Variants in POLD1 observed in about 807,000 individuals in gnomAD.
POLD1 encodes the protein DNA polymerase delta catalytic subunit.
A neutral mutation model predicts 129.7 loss-of-function variants in POLD1; 79 were observed. The observed-to-expected ratio is 0.61, with a 90% confidence interval of 0.51 to 0.73. POLD1 has a LOEUF of 0.73. POLD1 is among the 30% of genes least tolerant of loss of function. POLD1 has a pLI of 0.00. For missense variants in POLD1, 1,338 were observed against 1,595.8 expected (o/e 0.84, Z 2.75); for synonymous variants, 714 against 683.3 (o/e 1.04, Z -0.70).
In POLD1 at chr19:50,416,483, T is replaced by C; in HGVS notation, c.2908T>C (p.Phe970Leu). The C allele has an allele frequency of 6.4e-7, 1 of 1,551,828 alleles. No homozygotes were observed. Among genetic ancestry groups the C allele is most frequent in the Non-Finnish European group, 8.7e-7 (1 of 1,148,326 alleles). Reference protein sequence around the residue: ...QQLAKPLLRIFEPILGEGRAE... With the variant: ...QQLAKPLLRILEPILGEGRAE... The stretch of plus-strand genomic sequence containing the variant: ...GCTGGCCAAGCCCCTCCTGCGCATC[T>C]TCGAGCCCATCCTGGGCGAGGGCCG... Residue 970 changes from phenylalanine (F) to leucine (L), a missense_variant, in exon 23 of 27, where the codon TTC (phenylalanine) becomes CTC (leucine). By Grantham distance (22) the Phe-to-Leu change is conservative (BLOSUM62 0). This residue lies in a region of POLD1 where 286 missense variants were observed against 277.5 expected (regional missense o/e 1.03). Transcript: ENST00000440232.
At chr19:50,412,713 T>TTGGTGG (rs149765706) in intron 17 of POLD1, among the ~76,000 whole-genome samples, 2 of 151,142 alleles carry the variant, frequency 1.3e-5, no homozygotes, top group Non-Finnish European at 2.9e-5. Context: ...AGCCTCAGGT[T>TTGGTGG]TGGTGGTGGT....
intron 7 of POLD1, 35 bp from the exon 8 acceptor site, chr19:50,402,577 C>T (rs1392489715): frequency 2.5e-6 from 4 of 1,572,970 alleles, no homozygotes; most frequent in Admixed American, 1.9e-5. Flanking sequence ...GGAGCTGGTA[C>T]CCTGCTGCCA....
At chr19:50,399,892 G>A (rs917803460) in intron 3 of POLD1, among the ~76,000 whole-genome samples, 6 of 149,140 alleles carry the variant, frequency 4.0e-5, no homozygotes, top group African/African-American at 1.2e-4. Flanking sequence ...TCGGCTCACT[G>A]CAACCTCTGC....
chr19:50,411,451 G>T (rs930102879), intron 17 of POLD1, among the ~76,000 whole-genome samples: 1 of 152,126 alleles, frequency 6.6e-6, no homozygotes, highest in East Asian at 1.9e-4. Flanking sequence ...TTCTCTCTCA[G>T]CCGCTTCCCT....
At chr19:50,392,921 C>G (rs2038221683) in intron 1 of POLD1, among the ~76,000 whole-genome samples, 1 of 152,242 alleles carries the variant, frequency 6.6e-6, no homozygotes, top group African/African-American at 2.4e-5. Flanking sequence ...CCTATCAGTA[C>G]ACAAAGAGCT....
chr19:50,389,040 C>T (rs2038063498), intron 1 of POLD1, among the ~76,000 whole-genome samples: 1 of 151,706 alleles, frequency 6.6e-6, no homozygotes, highest in African/African-American at 2.4e-5. Context: ...ACCATCTTTG[C>T]CAGGCTGCTC....
At chr19:50,393,769 A>G (rs530436223) in intron 1 of POLD1, among the ~76,000 whole-genome samples, 16 of 152,204 alleles carry the variant, frequency 1.1e-4, no homozygotes, top group African/African-American at 3.6e-4. Flanking sequence ...CATCACCCCT[A>G]CAGAAAACCC....
At chr19:50,408,321 C>T (rs1376240654) in intron 14 of POLD1, among the ~76,000 whole-genome samples, 1 of 151,822 alleles carries the variant, frequency 6.6e-6, no homozygotes, top group East Asian at 1.9e-4. Flanking sequence ...GGTGACAAAG[C>T]GAGACTCCGT....
Position 50,409,341 on chromosome 19 carries a change from A to T in POLD1, c.2006+106A>T. On this transcript the variant is annotated intron_variant, in intron 16 of 26. Coordinates refer to ENST00000440232, the MANE Select transcript of POLD1 (RefSeq NM_002691.4). This position sits in a 1 kb window ranked among gnomAD's most constrained non-coding sequence, Gnocchi z 5.8. The stretch of plus-strand genomic sequence containing the variant: ...AGGGCTGCCCAGCCACCCTGCCCTC[A>T]GCTGTGCGTGAATTAGCACAAGGCA... The T allele has an allele frequency of 8.2e-7, 1 of 1,215,562 alleles. No homozygotes were observed. The highest frequency in any genetic ancestry group is 1.2e-6 in the Non-Finnish European group (1 of 839,590). 75.3% of individuals were successfully genotyped at this position (1,215,562 alleles called of 1,614,324 possible). A position where few individuals can be genotyped will look rare whatever the true frequency, so the allele number is the denominator to read the frequency against.
intron 1 of POLD1, among the ~76,000 whole-genome samples, chr19:50,397,215 A>T (rs2038402305): frequency 6.6e-6 from 1 of 151,542 alleles, no homozygotes; most frequent in African/African-American, 2.4e-5. Context: ...CCTGGCCAAC[A>T]TGGTGAAACC....
Position 50,387,093 on chromosome 19 carries a change from G to A in POLD1, c.-2+2703G>A, listed in dbSNP as rs758926327. 3.9e-5 allele frequency among the ~76,000 whole-genome samples: 6 copies of A among 152,022 alleles called. No individual in the cohort carries two copies. The East Asian group carries it at 5.8e-4, about 15-fold the overall frequency. On this transcript the variant is annotated intron_variant, in intron 1 of 26. Coordinates refer to ENST00000440232, the MANE Select transcript of POLD1 (RefSeq NM_002691.4). ...TGTAATCCCAGCACTTTGGGAGGCC[G>A]AGGTGGACGGATCACTTGAGGTGAG... is the stretch of plus-strand genomic sequence containing the variant.
In POLD1 at chr19:50,402,380, C is replaced by G; in HGVS notation, c.758+7C>G. On this transcript the variant is annotated splice_region_variant and intron_variant, in intron 6 of 26. Coordinates refer to ENST00000440232, the MANE Select transcript of POLD1 (RefSeq NM_002691.4). ...ACGTCGACTTTGAGATCCGGTACGG[C>G]CTCTGCCTCACTTCTCCGGCCTCTA... 1.9e-6 allele frequency: 3 copies of G among 1,613,210 alleles called. No homozygotes were observed. In the South Asian group the frequency reaches 3.3e-5, roughly 18 times the overall value.
chr19:50,406,426 A>G lies in POLD1; in HGVS notation c.1403A>G (p.Lys468Arg), dbSNP rs1004191319. Residue 468 changes from lysine to arginine, a missense_variant, in exon 12 of 27, where the codon AAG becomes AGG. Physicochemically the swap from Lys to Arg is conservative, Grantham distance 26 (BLOSUM62 2). Coordinates refer to ENST00000440232, the MANE Select transcript of POLD1 (RefSeq NM_002691.4). The surrounding 1 kb of genome is among the most constrained non-coding windows in gnomAD (Gnocchi z 5.5). Reference sequence around the variant, plus strand: ...ACCTAGGTGCTGCTGCGGGAGTACAAGCTCCGCTCCTACACGCTCAATGCC... The same window carrying G: ...ACCTAGGTGCTGCTGCGGGAGTACAGGCTCCGCTCCTACACGCTCAATGCC... Reference protein sequence around the residue: ...DMLQVLLREYKLRSYTLNAVS... With the variant: ...DMLQVLLREYRLRSYTLNAVS... 20 of 1,601,344 alleles carry G rather than the reference A, an allele frequency of 1.2e-5. No individual in the cohort carries two copies. The Admixed American group carries it at 1.9e-4, about 15-fold the overall frequency.
At chr19:50,408,987 A>G in intron 15 of POLD1, 86 bp downstream of exon 15, 1 of 1,420,050 alleles carries the variant, frequency 7.0e-7, no homozygotes, top group Admixed American at 1.8e-5. Flanking sequence ...GCATAGGCAC[A>G]GGCCCAGAGA....
intron 8 of POLD1, 50 bp downstream of exon 8, chr19:50,402,791 G>A (rs762729507): frequency 9.0e-6 from 14 of 1,550,130 alleles, no homozygotes; most frequent in Admixed American, 1.8e-5. Context: ...GTGCCAAGTC[G>A]GGGGTCGGAA....
At chr19:50,390,179 G>T (rs2038107575) in intron 1 of POLD1, among the ~76,000 whole-genome samples, 3 of 151,358 alleles carry the variant, frequency 2.0e-5, no homozygotes, top group Admixed American at 1.3e-4. Context: ...ATAGTGTTGG[G>T]ATTACAGGTG....
chr19:50,417,697 G>T, intron 26 of POLD1, 145 bp from the exon 27 acceptor site: 1 of 109,666 alleles, frequency 9.1e-6, no homozygotes, highest in South Asian at 1.1e-4. Context: ...CCCCGTGCCT[G>T]CTGAGCAAAC....
intron 1 of POLD1, among the ~76,000 whole-genome samples, chr19:50,388,926 A>G (rs925039962): frequency 6.5e-5 from 9 of 137,588 alleles, no homozygotes; most frequent in African/African-American, 2.2e-4. Flanking sequence ...TCTGCCTCCC[A>G]GGTTCAAGCG....
chr19:50,414,801 T>C lies in POLD1; in HGVS notation c.2389-14T>C. 1 of 1,517,474 alleles carries C rather than the reference T, an allele frequency of 6.6e-7. No homozygotes were observed. The highest frequency in any genetic ancestry group is 8.9e-7 in the Non-Finnish European group (1 of 1,125,296). 94.0% of individuals were successfully genotyped at this position (1,517,474 alleles called of 1,614,324 possible). ...CTCCTCAGGCTCAGGGTCTTGGCCA[T>C]GGCTCCCTCCCAGGTCTACTTCCCA... On this transcript the variant is annotated splice_polypyrimidine_tract_variant and intron_variant, in intron 19 of 26. Coordinates refer to ENST00000440232, the MANE Select transcript of POLD1 (RefSeq NM_002691.4).
Sources: gnomAD v4.1 joint callset for allele counts (sites outside exome capture counted in the v4.1 genomes callset) on GRCh38, gnomAD v4.1.1 for gene constraint, gnomAD v4.1.1 regional missense constraint, Gnocchi (gnomAD v3.1) non-coding constraint, MANE v1.5 for transcripts, NCBI Gene and HGNC (gene_info 2026-07-23, HGNC 2026-07-21) for gene names.